Variants in EXOC2 observed in about 807,000 individuals in gnomAD.
EXOC2 encodes the protein SEC5-like 1.
Under a neutral mutation model 131.8 loss-of-function variants are expected in EXOC2, and 70 were observed. The ratio of observed to expected loss-of-function variants is 0.53; its 90% confidence interval spans 0.44 to 0.65. The LOEUF (loss-of-function observed/expected upper bound fraction) is 0.65. Ranked by LOEUF, EXOC2 falls within the 30% of genes least tolerant of loss-of-function variation. The pLI is 0.00. For synonymous variants in EXOC2, 411 were observed against 398.4 expected (o/e 1.03, Z -0.38); for missense variants, 923 against 1,108.6 (o/e 0.83, Z 2.38).
intron 7 of EXOC2, among the ~76,000 whole-genome samples, chr6:606,101 G>C (rs1760394636): frequency 6.6e-6 from 1 of 152,204 alleles, no homozygotes; most frequent in South Asian, 2.1e-4. Flanking sequence ...AAAAGGAAGA[G>C]TTCGTGTCCT....
chr6:632,839 T>C (rs1561949831), intron 3 of EXOC2, 102 bp downstream of exon 3: 18 of 1,095,610 alleles, frequency 1.6e-5, no homozygotes, highest in African/African-American at 4.7e-5. Flanking sequence ...TAAGTTGAGA[T>C]ATGCAAGTAG....
At chr6:546,942 C>T (rs920223890) in intron 22 of EXOC2, among the ~76,000 whole-genome samples, 1 of 152,166 alleles carries the variant, frequency 6.6e-6, no homozygotes, top group African/African-American at 2.4e-5. Context: ...TATCATGAGA[C>T]CAGTTTTATT....
intron 11 of EXOC2, among the ~76,000 whole-genome samples, chr6:579,302 T>C (rs569187475): frequency 6.6e-6 from 1 of 152,316 alleles, no homozygotes; most frequent in East Asian, 1.9e-4. Context: ...AAAGATTGAT[T>C]TTTTTTCCTT....
intron 23 of EXOC2, among the ~76,000 whole-genome samples, chr6:517,365 A>G (rs1205747536): frequency 6.6e-6 from 1 of 152,184 alleles, no homozygotes; most frequent in Non-Finnish European, 1.5e-5. Flanking sequence ...ACTACAATGA[A>G]TTGAAGCTCA....
At chr6:487,568 G>A (rs1335486548) in intron 27 of EXOC2, among the ~76,000 whole-genome samples, 4 of 151,922 alleles carry the variant, frequency 2.6e-5, no homozygotes, top group African/African-American at 9.7e-5. Context: ...CACCACACCC[G>A]GCTAATTTTT....
At chr6:517,124 T>G (rs560496976) in intron 23 of EXOC2, among the ~76,000 whole-genome samples, 136 of 152,212 alleles carry the variant, frequency 8.9e-4, no homozygotes, top group African/African-American at 3.1e-3. Flanking sequence ...AAAAGCCAGT[T>G]GGGGGTAGAC....
chr6:505,364 G>A (rs114014579), intron 23 of EXOC2, among the ~76,000 whole-genome samples: 14 of 152,324 alleles, frequency 9.2e-5, no homozygotes, highest in Non-Finnish European at 1.3e-4. Flanking sequence ...CATCTGAGCC[G>A]TGGCCTGAGC....
intron 13 of EXOC2, among the ~76,000 whole-genome samples, chr6:572,307 A>G (rs184590630): frequency 6.9e-4 from 105 of 152,260 alleles, no homozygotes; most frequent in African/African-American, 2.5e-3. Flanking sequence ...AGGTGCCCAG[A>G]CTATTCTTTT....
intron 13 of EXOC2, among the ~76,000 whole-genome samples, chr6:566,471 C>T (rs924329374): frequency 1.5e-4 from 23 of 152,208 alleles, no homozygotes; most frequent in African/African-American, 5.3e-4. Flanking sequence ...AGGAAGGAGG[C>T]ATGCGCAGAG....
chr6:537,324 C>T (rs1043714332), intron 22 of EXOC2, among the ~76,000 whole-genome samples: 1 of 149,444 alleles, frequency 6.7e-6, no homozygotes, highest in Non-Finnish European at 1.5e-5. Context: ...GAGATGACGG[C>T]CGACGGAGCG....
intron 23 of EXOC2, among the ~76,000 whole-genome samples, chr6:507,446 G>A (rs1422480426): frequency 6.6e-6 from 1 of 151,724 alleles, no homozygotes; most frequent in African/African-American, 2.4e-5. Flanking sequence ...TATGACAAAT[G>A]ACCATCTTGC....
chr6:544,832 T>A (rs547391100), intron 22 of EXOC2, among the ~76,000 whole-genome samples: 8 of 152,322 alleles, frequency 5.3e-5, no homozygotes, highest in African/African-American at 1.9e-4. Context: ...CCGGAGTTTC[T>A]CAAAGAGATT....
intron 22 of EXOC2, among the ~76,000 whole-genome samples, chr6:533,929 C>A (rs1023485250): frequency 1.3e-5 from 2 of 152,150 alleles, no homozygotes; most frequent in Non-Finnish European, 2.9e-5. Flanking sequence ...GCACATCCAC[C>A]AAGCAGTGAA....
intron 1 of EXOC2, among the ~76,000 whole-genome samples, chr6:676,083 G>A (rs1467987125): frequency 2.4e-5 from 2 of 84,826 alleles, no homozygotes; most frequent in African/African-American, 7.7e-5. Context: ...TGGCGACTGC[G>A]GTTCCCCATA....
At chr6:537,419 T>C (rs992004857) in intron 22 of EXOC2, among the ~76,000 whole-genome samples, 1 of 140,268 alleles carries the variant, frequency 7.1e-6, no homozygotes, top group Non-Finnish European at 1.5e-5. Flanking sequence ...CGACGGAGCG[T>C]ACACATGAGG....
intron 13 of EXOC2, among the ~76,000 whole-genome samples, chr6:565,920 T>C (rs550438685): frequency 9.2e-5 from 14 of 152,292 alleles, no homozygotes; most frequent in South Asian, 2.1e-4. Context: ...AAGTAAAATA[T>C]GGGTTAGGAT....
intron 13 of EXOC2, among the ~76,000 whole-genome samples, chr6:566,479 G>A (rs1581451714): frequency 1.3e-5 from 2 of 152,314 alleles, no homozygotes; most frequent in East Asian, 3.9e-4. Context: ...GGCATGCGCA[G>A]AGGGACCCCC....
At chr6:487,593 G>A (rs2127462114) in intron 27 of EXOC2, among the ~76,000 whole-genome samples, 1 of 152,232 alleles carries the variant, frequency 6.6e-6, no homozygotes, top group Middle Eastern at 3.4e-3. Context: ...TTTTAGTAGA[G>A]ACGGGGTTTT....
intron 17 of EXOC2, among the ~76,000 whole-genome samples, chr6:558,137 T>A (rs1757521764): frequency 6.6e-6 from 1 of 152,118 alleles, no homozygotes; most frequent in African/African-American, 2.4e-5. Flanking sequence ...GGAAAAAAAC[T>A]GAAGAGAAGA....
Sources: allele counts gnomAD v4.1 joint callset (sites outside exome capture counted in the v4.1 genomes callset), GRCh38; gene constraint gnomAD v4.1.1; transcripts MANE v1.5; gene names NCBI Gene and HGNC (gene_info 2026-07-23, HGNC 2026-07-21).